The following FAS variants were observed in gnomAD, a reference collection of about 807,000 sequenced individuals.
FAS encodes the protein tumor necrosis factor receptor superfamily member 6.
In FAS, 5 loss-of-function variants were observed where a neutral mutation model predicts 33.2. That is an observed-to-expected ratio of 0.15 (90% CI 0.08 to 0.32). The LOEUF (loss-of-function observed/expected upper bound fraction) is 0.32, where lower values mean the gene tolerates loss of function less well. Ranked by LOEUF, FAS falls within the 10% of genes least tolerant of loss-of-function variation. The probability of loss-of-function intolerance (pLI) is 1.00; values close to 1 mark genes in which losing one functional copy is unlikely to be tolerated. For missense variants in FAS, 339 were observed against 386.0 expected (o/e 0.88, Z 1.02); for synonymous variants, 131 against 130.7 (o/e 1.00, Z -0.01).
At chr10:88,978,723 G>C (rs902780160) in intron 2 of FAS, among the ~76,000 whole-genome samples, 1 of 152,080 alleles carries the variant, frequency 6.6e-6, no homozygotes, top group Non-Finnish European at 1.5e-5. Context: ...TAGGTGTCTG[G>C]GTCACCCTGA....
chr10:88,998,415 G>T (rs1284784693), intron 1 of FAS, among the ~76,000 whole-genome samples: 1 of 151,026 alleles, frequency 6.6e-6, no homozygotes, highest in Admixed American at 6.6e-5. Flanking sequence ...GGACCCTTCC[G>T]GCCTTCCAAA....
intron 1 of FAS, among the ~76,000 whole-genome samples, chr10:88,971,429 G>A (rs186911884): frequency 1.3e-5 from 2 of 152,304 alleles, no homozygotes; most frequent in African/African-American, 2.4e-5. Context: ...TTGGCAACAC[G>A]GCCCATTTAA....
chr10:89,000,255 A>T (rs4406738), intron 1 of FAS, among the ~76,000 whole-genome samples: 75,926 of 152,090 alleles, frequency 0.5, 19,658 homozygotes, highest in Non-Finnish European at 0.56. Flanking sequence ...TATATAAAGA[A>T]TTCAATGTTG....
In FAS at chr10:88,991,095, C is replaced by G. The variant is rs534025984; in HGVS notation, c.30+189C>G. On this transcript the variant is annotated intron_variant, in intron 1 of 8. Coordinates refer to ENST00000652046, the MANE Select transcript of FAS (RefSeq NM_000043.6). ...GGCTGTTAGGACCTTCCCTCAGGCC[C>G]GGGTGCTCAGAACGCTGGAGGACTT... 4.1e-4 allele frequency: 285 copies of G among 699,626 alleles called. No individual in the cohort carries two copies. In the African/African-American group the frequency reaches 4.6e-3, roughly 11 times the overall value. The allele number at this position is 699,626 out of a possible 1,614,324, so 43.3% of individuals were successfully genotyped here. A position where few individuals can be genotyped will look rare whatever the true frequency, so the allele number is the denominator to read the frequency against.
upstream of FAS, among the ~76,000 whole-genome samples, chr10:88,987,233 G>T (rs72809360): frequency 0.088 from 13,348 of 152,260 alleles, 766 homozygotes; most frequent in Non-Finnish European, 0.12. Flanking sequence ...ATCTTTACTT[G>T]AGCTTGAAAC....
chr10:89,003,511 TGATTA>T (rs1030809967), intron 2 of FAS, among the ~76,000 whole-genome samples: 7 of 152,212 alleles, frequency 4.6e-5, no homozygotes, highest in African/African-American at 1.7e-4. Flanking sequence ...ATGTCAAAAC[TGATTA>T]GGATCTACCA....
rs9658785 is a variant in FAS, at chr10:89,016,577, T to C, written c.*2127T>C. 0.041 allele frequency: 9,277 copies of C among 225,848 alleles called. 290 individuals carry two copies. Among genetic ancestry groups the C allele is most frequent in the Admixed American group, 0.12 (2,085 of 17,500 alleles). The allele number at this position is 225,848 out of a possible 1,614,324, so 14.0% of individuals were successfully genotyped here. A position where few individuals can be genotyped will look rare whatever the true frequency, so the allele number is the denominator to read the frequency against. ...TTTGTACTTGGTGATGTGGTTTTTTTCCTCATGGCTTCACCTAGTGGCCCC... is the reference window on the plus strand; with the variant it reads ...TTTGTACTTGGTGATGTGGTTTTTTCCCTCATGGCTTCACCTAGTGGCCCC... On this transcript the variant is annotated 3_prime_UTR_variant, in exon 9 of 9. Transcript: ENST00000652046.
Position 89,012,427 on chromosome 10 carries a change from C to T in FAS, c.651+346C>T, listed in dbSNP as rs533052929. 11 of 290,634 alleles carry T rather than the reference C, an allele frequency of 3.8e-5. No individual in the cohort carries two copies. In the East Asian group the frequency reaches 8.9e-4, roughly 24 times the overall value. The allele number at this position is 290,634 out of a possible 1,614,324, so 18.0% of individuals were successfully genotyped here. A position where few individuals can be genotyped will look rare whatever the true frequency, so the allele number is the denominator to read the frequency against. On this transcript the variant is annotated intron_variant, in intron 7 of 8. Transcript: ENST00000652046. ...TTTTGACCTCAAGCAATCCTTCTGCCTCAGCCTCCCAAAGTTCTGGGATTA... is the reference window on the plus strand; with the variant it reads ...TTTTGACCTCAAGCAATCCTTCTGCTTCAGCCTCCCAAAGTTCTGGGATTA...
intron 1 of FAS, among the ~76,000 whole-genome samples, chr10:88,969,458 A>G (rs1442168028): frequency 6.6e-6 from 1 of 152,170 alleles, no homozygotes. Context: ...GCATGCCCCC[A>G]TTGGCATAGT....
chr10:88,992,497 C>A (rs1273018131), intron 1 of FAS: 1 of 152,064 alleles, frequency 6.6e-6, no homozygotes, highest in Non-Finnish European at 1.5e-5. Context: ...CCAGAGGCTG[C>A]GTGTTTAAAG....
chr10:89,007,573 C>T, intron 2 of FAS, 127 bp from the exon 3 acceptor site: 5 of 1,232,074 alleles, frequency 4.1e-6, no homozygotes, highest in Non-Finnish European at 5.7e-6. Flanking sequence ...GTATTTATAT[C>T]TCATTAGCCT....
chr10:88,975,423 T>G (rs1846540190), intron 2 of FAS, among the ~76,000 whole-genome samples: 1 of 152,222 alleles, frequency 6.6e-6, no homozygotes, highest in South Asian at 2.1e-4. Context: ...AAGTGTTTGT[T>G]TTTTTCTTAT....
chr10:89,007,086 A>C (rs1218724507), intron 2 of FAS, among the ~76,000 whole-genome samples: 1 of 152,224 alleles, frequency 6.6e-6, no homozygotes, highest in Non-Finnish European at 1.5e-5. Flanking sequence ...GGCCGAGTGC[A>C]GCTCTGACAG....
At chr10:88,969,429 G>A (rs1165108821) in intron 1 of FAS, among the ~76,000 whole-genome samples, 2 of 152,168 alleles carry the variant, frequency 1.3e-5, no homozygotes, top group African/African-American at 4.8e-5. Context: ...ATTTGAAAAA[G>A]CCTACAAATC....
intron 1 of FAS, among the ~76,000 whole-genome samples, chr10:88,993,997 G>C (rs1251275105): frequency 1.3e-5 from 2 of 152,178 alleles, no homozygotes; most frequent in African/African-American, 4.8e-5. Flanking sequence ...GCTATAGTTA[G>C]ACTGATGAAA....
Position 89,011,928 on chromosome 10 carries a change from G to A in FAS, c.569-71G>A, listed in dbSNP as rs371496796. On this transcript the variant is annotated intron_variant, in intron 6 of 8. Coordinates refer to ENST00000652046, the MANE Select transcript of FAS (RefSeq NM_000043.6). Reference sequence around the variant, plus strand: ...TTTTCCTTCTTATATTTCTCTTAGTGTGAAAGTATGTTCTCACATGCATTC... The same window carrying A: ...TTTTCCTTCTTATATTTCTCTTAGTATGAAAGTATGTTCTCACATGCATTC... 1.2e-4 allele frequency: 155 copies of A among 1,294,770 alleles called. No homozygotes were observed. The Middle Eastern group carries it at 2.4e-3, about 20-fold the overall frequency. The allele number at this position is 1,294,770 out of a possible 1,614,324, so 80.2% of individuals were successfully genotyped here.
chr10:88,970,182 C>A (rs889819022), intron 1 of FAS, among the ~76,000 whole-genome samples: 1 of 152,056 alleles, frequency 6.6e-6, no homozygotes, highest in Non-Finnish European at 1.5e-5. Flanking sequence ...ATCAAGGCAC[C>A]TACCAACTTT....
chr10:88,989,859 A>C (rs1248049168), upstream of FAS, among the ~76,000 whole-genome samples: 2 of 152,222 alleles, frequency 1.3e-5, no homozygotes, highest in Non-Finnish European at 2.9e-5. Flanking sequence ...ACTGCATCCA[A>C]ATTCAGGTTC....
chr10:89,003,916 C>T (rs1848075066), intron 2 of FAS, among the ~76,000 whole-genome samples: 1 of 152,138 alleles, frequency 6.6e-6, no homozygotes, highest in South Asian at 2.1e-4. Flanking sequence ...GGTTGTCCTC[C>T]CAGGCTTCCA....
Sources: allele counts gnomAD v4.1 joint callset (sites outside exome capture counted in the v4.1 genomes callset), GRCh38; gene constraint gnomAD v4.1.1; transcripts MANE v1.5; gene names NCBI Gene and HGNC (gene_info 2026-07-23, HGNC 2026-07-21).